The following TANC2 variants were observed in gnomAD, a reference collection of about 807,000 sequenced individuals.
TANC2 encodes the protein tetratricopeptide repeat, ankyrin repeat and coiled-coil containing 2, also known as protein TANC2.
TANC2 carries 26 observed loss-of-function variants against 210.5 expected under a neutral mutation model. The ratio of observed to expected loss-of-function variants is 0.12; its 90% CI spans 0.09 to 0.17. The LOEUF is 0.17. Among genes scored for constraint, TANC2 ranks in the 10% least tolerant of loss-of-function variants. The pLI is 1.00. For synonymous variants in TANC2, 931 were observed against 967.1 expected, an observed-to-expected ratio of 0.96 and a Z score of 0.69; for missense variants, 2,129 against 2,608.9, an observed-to-expected ratio of 0.82 and a Z score of 4.01.
At chr17:62,995,313 G>A (rs963138644) in intron 1 of TANC2, among the ~76,000 whole-genome samples, 1 of 152,192 alleles carries the variant, frequency 6.6e-6, no homozygotes, top group Non-Finnish European at 1.5e-5. Flanking sequence ...GTAATTCTTA[G>A]CTCATAATGT....
At chr17:63,293,844 A>G (rs1012180944) in intron 9 of TANC2, among the ~76,000 whole-genome samples, 3 of 151,578 alleles carry the variant, frequency 2.0e-5, no homozygotes, top group Admixed American at 6.6e-5. Flanking sequence ...GACTCAAGCT[A>G]TCCTCCCACC....
rs560433431 is a variant in TANC2, at chr17:63,362,643, G to A, written c.2582+7253G>A. ...AGGGGACTGAGGCAGCATGGGGCTG[G>A]CGTGTCAACACTGCCCTGAACAGAC... is the stretch of plus-strand genomic sequence containing the variant. On this transcript the variant is annotated intron_variant, in intron 14 of 27. Transcript: ENST00000689528. Among the ~76,000 whole-genome samples, 12 of 152,336 alleles carry A rather than the reference G, an allele frequency of 7.9e-5. No individual in the cohort carries two copies. The South Asian group carries it at 2.3e-3, about 29-fold the overall frequency.
intron 6 of TANC2, 89 bp from the exon 7 acceptor site, chr17:63,200,682 T>G: frequency 8.2e-7 from 1 of 1,226,530 alleles, no homozygotes; most frequent in Non-Finnish European, 1.1e-6. Flanking sequence ...CATGTAGTTT[T>G]TTTTTTCATC....
In TANC2 at chr17:63,329,325, TAAAC is replaced by T. The variant is rs767686920; in HGVS notation, c.1575+10237_1575+10240del. 1.2e-4 allele frequency among the ~76,000 whole-genome samples: 18 copies of T among 151,890 alleles called. No homozygotes were observed. In the East Asian group the frequency reaches 1.4e-3, roughly 11 times the overall value. On this transcript the variant is annotated intron_variant, in intron 11 of 27. Transcript: ENST00000689528. The stretch of plus-strand genomic sequence containing the variant: ...ACATGATGAAAAAATGGGAAAAAAA[TAAAC>T]AGACAACTCACAAAAAAGATTAAAA...
chr17:63,008,750 C>T (rs1024311618), intron 1 of TANC2, among the ~76,000 whole-genome samples: 4 of 148,696 alleles, frequency 2.7e-5, no homozygotes, highest in Admixed American at 1.4e-4. Context: ...GGAATAAGCA[C>T]GGATTCATGC....
intron 4 of TANC2, among the ~76,000 whole-genome samples, chr17:63,146,143 A>T (rs182474433): frequency 1.8e-3 from 275 of 151,990 alleles, no homozygotes; most frequent in Middle Eastern, 0.014. Flanking sequence ...TTATGTCTAC[A>T]TATTTTATTT....
chr17:63,205,359 A>C lies in TANC2; in HGVS notation c.769+4402A>C, dbSNP rs1205938717. On this transcript the variant is annotated intron_variant, in intron 7 of 27. Transcript: ENST00000689528. ...ACCAAGGAGGCAAAAAAAAAAAAAA[A>C]AAAAAAAAAAAAACCTCATACACCG... 2.0e-5 allele frequency among the ~76,000 whole-genome samples: 3 copies of C among 147,586 alleles called. 1 individual carries two copies. The South Asian group carries it at 6.4e-4, about 31-fold the overall frequency.
At chr17:63,120,876 T>C (rs959699157) in intron 4 of TANC2, 1 of 127,350 alleles carries the variant, frequency 7.9e-6, no homozygotes, top group African/African-American at 3.0e-5. Flanking sequence ...TACAACTGGG[T>C]AAAATCTTAG....
chr17:63,375,621 A>T lies in TANC2; in HGVS notation c.2583-4097A>T, dbSNP rs544341819. On this transcript the variant is annotated intron_variant, in intron 14 of 27. Coordinates refer to ENST00000689528, the Ensembl canonical transcript of TANC2. ...CATGGATGAGTAACTTAAAGTAATA[A>T]TTCTTATACCAGGGAGGCTACAATA... 1.2e-4 allele frequency among the ~76,000 whole-genome samples: 19 copies of T among 152,352 alleles called. No individual in the cohort carries two copies. In the South Asian group the frequency reaches 1.9e-3, roughly 15 times the overall value.
chr17:63,400,019 C>A (rs1404529072), intron 19 of TANC2, among the ~76,000 whole-genome samples: 1 of 152,250 alleles, frequency 6.6e-6, no homozygotes, highest in African/African-American at 2.4e-5. Flanking sequence ...GAGCCCCACC[C>A]TGAGGGAAGC....
At chr17:62,994,194 G>A (rs2143619090) in intron 1 of TANC2, among the ~76,000 whole-genome samples, 1 of 149,860 alleles carries the variant, frequency 6.7e-6, no homozygotes, top group South Asian at 2.1e-4. Flanking sequence ...TTTTTTTTGA[G>A]ACAAAGTCTC....
chr17:63,230,952 AT>A (rs1341098001), intron 7 of TANC2, among the ~76,000 whole-genome samples: 6 of 152,160 alleles, frequency 3.9e-5, no homozygotes, highest in African/African-American at 1.4e-4. Context: ...GTGCTCCTGT[AT>A]TGGGTGCATA....
chr17:63,239,477 C>T (rs971039771), intron 8 of TANC2, among the ~76,000 whole-genome samples: 4 of 152,166 alleles, frequency 2.6e-5, no homozygotes, highest in African/African-American at 9.7e-5. Context: ...TTGCCATTCC[C>T]AGTTCCCTTT....
chr17:63,345,375 T>G (rs1442954761), intron 12 of TANC2, among the ~76,000 whole-genome samples: 1 of 152,076 alleles, frequency 6.6e-6, no homozygotes, highest in Non-Finnish European at 1.5e-5. Context: ...ATCCCAACAC[T>G]TTGGGAGGCC....
chr17:63,422,200 CGAG>C (rs2049042520), exon 28 of TANC2: 2 of 449,418 alleles, frequency 4.5e-6, no homozygotes, highest in Middle Eastern at 5.9e-4. Context: ...CAGATGCCAA[CGAG>C]GAGATTTTCG....
intron 20 of TANC2, among the ~76,000 whole-genome samples, chr17:63,405,717 A>C (rs2048482485): frequency 6.6e-6 from 1 of 152,248 alleles, no homozygotes; most frequent in East Asian, 1.9e-4. Flanking sequence ...AATAATCTTC[A>C]GAAGTATTTC....
At chr17:63,424,072 G>C (rs2049087413) in exon 28 of TANC2, 1 of 152,168 alleles carries the variant, frequency 6.6e-6, no homozygotes, top group Non-Finnish European at 1.5e-5. Context: ...TCGCTGAGGA[G>C]CCACTGCATT....
At position 63,052,176 on chromosome 17, in the gene TANC2, C is replaced by G. The variant is rs148203629; in HGVS notation, c.68-21767C>G. Among the ~76,000 whole-genome samples the G allele has an allele frequency of 6.2e-4, 94 of 152,258 alleles. No homozygotes were observed. The East Asian group carries it at 0.017, about 27-fold the overall frequency. ...GAAGATTCCATTTGTTTAGTATGTGCTTACTTTGTGCCAGATGTCGTCGTA... is the reference window on the plus strand; with the variant it reads ...GAAGATTCCATTTGTTTAGTATGTGGTTACTTTGTGCCAGATGTCGTCGTA... On this transcript the variant is annotated intron_variant, in intron 2 of 27. Transcript: ENST00000689528.
At chr17:63,264,254 G>A (rs2043455366) in intron 8 of TANC2, among the ~76,000 whole-genome samples, 1 of 152,156 alleles carries the variant, frequency 6.6e-6, no homozygotes, top group Admixed American at 6.5e-5. Context: ...TCAAGGGCAG[G>A]GAAGTGTACT....
Sources: allele counts gnomAD v4.1 joint callset (sites outside exome capture counted in the v4.1 genomes callset), GRCh38; gene constraint gnomAD v4.1.1; transcripts MANE v1.5; gene names NCBI Gene and HGNC (gene_info 2026-07-23, HGNC 2026-07-21).